Variants in OSR1 observed in about 807,000 individuals in gnomAD.
OSR1 encodes odd-skipped related transcription factor 1.
In OSR1, 3 loss-of-function variants were observed where a neutral mutation model predicts 15.7. That is an observed-to-expected ratio of 0.19 (90% CI 0.09 to 0.50). OSR1 has a LOEUF of 0.50. Ranked by LOEUF, OSR1 falls within the 20% of genes least tolerant of loss-of-function variation. The pLI, the probability that OSR1 is intolerant of heterozygous loss-of-function variation, is 0.97. For synonymous variants in OSR1, 166 were observed against 152.7 expected, an observed-to-expected ratio of 1.09 and a Z score of -0.64; for missense variants, 271 against 351.1, an observed-to-expected ratio of 0.77 and a Z score of 1.82.
the OSR1 span, among the ~76,000 whole-genome samples, chr2:19,346,304 A>C: frequency 6.6e-6 from 1 of 152,172 alleles, no homozygotes; most frequent in Non-Finnish European, 1.5e-5. Flanking sequence ...TCATATTCTA[A>C]TCTCTGGAGC....
In OSR1 at chr2:19,351,915, C is replaced by T. The variant is rs1390807212; in HGVS notation, c.*360G>A. 1 of 179,996 alleles carries T rather than the reference C, an allele frequency of 5.6e-6. No homozygotes were observed. The highest frequency in any genetic ancestry group is 2.4e-5 in the African/African-American group (1 of 42,414). 11.1% of individuals were successfully genotyped at this position (179,996 alleles called of 1,614,324 possible). On this transcript the variant is annotated 3_prime_UTR_variant, in exon 3 of 3. Transcript: ENST00000272223. ...AGTTACAAGCTTATATGGTCAAAGA[C>T]AAAAATAAAAAAGAAAACGTATAAA...
chr2:19,351,353 C>G (rs531092156), downstream of OSR1: 3 of 152,678 alleles, frequency 2.0e-5, no homozygotes, highest in South Asian at 6.2e-4. Context: ...CCACACATCT[C>G]AGCCCTGTCA....
Position 19,353,256 on chromosome 2 carries a change from A to C in OSR1, c.550T>G (p.Phe184Val). ...EFVCKFCGRHFTKSYNLLIHE... is the reference protein window; with the variant it reads ...EFVCKFCGRHVTKSYNLLIHE... ...ATAAGTAGGTTGTAGGACTTGGTGA[A>C]GTGGCGGCCACAGAACTTGCAGACG... is the stretch of plus-strand genomic sequence containing the variant. The change falls in exon 2 of 3, where the codon TTC becomes GTC. Residue 184 changes from phenylalanine to valine, a missense_variant. Physicochemically the swap from Phe to Val is conservative, Grantham distance 50 (BLOSUM62 -1). Coordinates refer to ENST00000272223, the MANE Select transcript of OSR1 (RefSeq NM_145260.3). The C allele has an allele frequency of 6.2e-7, 1 of 1,614,182 alleles. No individual in the cohort carries two copies. The highest frequency in any genetic ancestry group is 8.5e-7 in the Non-Finnish European group (1 of 1,180,038).
At chr2:19,355,898 G>C (rs1272177097) in intron 1 of OSR1, 1 of 152,360 alleles carries the variant, frequency 6.6e-6, no homozygotes, top group East Asian at 1.9e-4. Context: ...ACCCATTTGG[G>C]TTGGGGAAGG....
chr2:19,348,142 A>C (rs577911546), downstream of OSR1, among the ~76,000 whole-genome samples: 1 of 152,134 alleles, frequency 6.6e-6, no homozygotes, highest in Non-Finnish European at 1.5e-5. Context: ...ACGCCGCGGC[A>C]ACTGCTGCCC....
At position 19,353,639 on chromosome 2, in the gene OSR1, G is replaced by C. The variant is rs1388802506; in HGVS notation, c.167C>G (p.Thr56Arg). 1 of 1,614,250 alleles carries C rather than the reference G, an allele frequency of 6.2e-7. No individual in the cohort carries two copies. The highest frequency in any genetic ancestry group is 1.1e-5 in the South Asian group (1 of 91,090). ...ALHAVHLHQW[T>R]LGYPAMHLPR... Reference sequence around the variant, plus strand: ...CAAGTGCATGGCCGGGTAGCCCAGCGTCCACTGATGCAGGTGCACAGCGTG... The same window carrying C: ...CAAGTGCATGGCCGGGTAGCCCAGCCTCCACTGATGCAGGTGCACAGCGTG... Residue 56 changes from threonine to arginine, a missense_variant, in exon 2 of 3, where the codon ACG becomes AGG. Physicochemically the swap from Thr to Arg is moderately conservative, Grantham distance 71. Around this residue, in one of 4 missense-constraint regions of OSR1, gnomAD observed 210 missense variants for 218.4 expected, o/e 0.96. Transcript: ENST00000272223.
downstream of OSR1, among the ~76,000 whole-genome samples, chr2:19,350,332 G>A (rs1572258089): frequency 6.6e-6 from 1 of 152,174 alleles, no homozygotes; most frequent in African/African-American, 2.4e-5. Context: ...GGTCCGCGCC[G>A]GCAGGGCCAG....
In OSR1 at chr2:19,357,620, G is replaced by T. The variant is rs1224330921; in HGVS notation, c.-33+721C>A. 1 of 152,196 alleles carries T rather than the reference G, an allele frequency of 6.6e-6. No individual in the cohort carries two copies. Among genetic ancestry groups the T allele is most frequent in the Non-Finnish European group, 1.5e-5 (1 of 68,054 alleles). 9.4% of individuals were successfully genotyped at this position (152,196 alleles called of 1,614,324 possible). A position where few individuals can be genotyped will look rare whatever the true frequency, so the allele number is the denominator to read the frequency against. On this transcript the variant is annotated intron_variant, in intron 1 of 2. Transcript: ENST00000272223. The surrounding 1 kb of genome is among the most constrained non-coding windows in gnomAD (Gnocchi z 5.0). ...AGGGCTCCACAGAGTTTCCACTAGT[G>T]CTGTGTGTGGGTCTCGAATTGGAAA...
At chr2:19,348,239 G>C (rs1380691097), downstream of OSR1, among the ~76,000 whole-genome samples, 1 of 152,088 alleles carries the variant, frequency 6.6e-6, no homozygotes, top group Non-Finnish European at 1.5e-5. Context: ...CAGGACAGCT[G>C]CCAACGCTTC....
At chr2:19,350,670 C>T (rs1045549608), downstream of OSR1, among the ~76,000 whole-genome samples, 6 of 152,116 alleles carry the variant, frequency 3.9e-5, no homozygotes, top group African/African-American at 1.4e-4. Flanking sequence ...GGGAGCCCCG[C>T]CTTGCCCCAA....
At position 19,357,032 on chromosome 2, in the gene OSR1, C is replaced by A. The variant is rs1572261825; in HGVS notation, c.-33+1309G>T. 1 of 152,274 alleles carries A rather than the reference C, an allele frequency of 6.6e-6. No individual in the cohort carries two copies. The highest frequency in any genetic ancestry group is 1.5e-5 in the Non-Finnish European group (1 of 68,016). The allele number at this position is 152,274 out of a possible 1,614,324, so 9.4% of individuals were successfully genotyped here. A position where few individuals can be genotyped will look rare whatever the true frequency, so the allele number is the denominator to read the frequency against. On this transcript the variant is annotated intron_variant, in intron 1 of 2. Coordinates refer to ENST00000272223, the MANE Select transcript of OSR1 (RefSeq NM_145260.3). This position sits in a 1 kb window ranked among gnomAD's most constrained non-coding sequence, Gnocchi z 5.0. Reference sequence around the variant, plus strand: ...CAACGAGTGGTGACAGGCGTCCGGACCCCCGTGAAGAGGACTGACCGGCAC... The same window carrying A: ...CAACGAGTGGTGACAGGCGTCCGGAACCCCGTGAAGAGGACTGACCGGCAC...
downstream of OSR1, among the ~76,000 whole-genome samples, chr2:19,349,118 T>A (rs1027408685): frequency 2.0e-5 from 3 of 152,172 alleles, no homozygotes; most frequent in Non-Finnish European, 4.4e-5. Context: ...GGGGAAAAAT[T>A]GGGGCAGGCA....
Position 19,353,516 on chromosome 2 carries a change from T to G in OSR1, c.290A>C (p.Gln97Pro). ...PAFPWFPHVIQPKPEITAGGS... is the reference protein window; with the variant it reads ...PAFPWFPHVIPPKPEITAGGS... ...TCCAGCGGTGATCTCGGGCTTGGGT[T>G]GAATGACATGAGGGAACCAGGGAAA... Residue 97 changes from glutamine to proline, a missense_variant, in exon 2 of 3, where the codon CAA becomes CCA. This residue lies in a region of OSR1 where 210 missense variants were observed against 218.4 expected (regional missense o/e 0.96). Coordinates refer to ENST00000272223, the MANE Select transcript of OSR1 (RefSeq NM_145260.3). 1 of 1,614,190 alleles carries G rather than the reference T, an allele frequency of 6.2e-7. No homozygotes were observed. The highest frequency in any genetic ancestry group is 2.2e-5 in the East Asian group (1 of 44,864).
rs146441080 is a variant in OSR1, at chr2:19,353,398, G to A, written c.408C>T (p.Arg136=). 256 of 1,614,116 alleles carry A rather than the reference G, an allele frequency of 1.6e-4. No individual in the cohort carries two copies. The African/African-American group carries it at 2.9e-3, about 18-fold the overall frequency. Residue 136 remains arginine (R), a synonymous_variant, in exon 2 of 3, where the codon CGC becomes CGT. Transcript: ENST00000272223. ...CTGCAGGGGAGCCTGGGCCCTCCCC[G>A]CGACCGAGCTTGGCCGGATCTTCTT... ...ATQEDPAKLG[R]GEGPGSPAGG... is the part of the protein sequence containing the mutation.
rs755540358 is a variant in OSR1 at position 19,353,633 on chromosome 2, C to T, written c.173G>A (p.Gly58Asp). Residue 58 changes from glycine to aspartate, a missense_variant, in exon 2 of 3, where the codon GGC becomes GAC. Transcript: ENST00000272223. ...HAVHLHQWTLGYPAMHLPRSS... is the reference protein window; with the variant it reads ...HAVHLHQWTLDYPAMHLPRSS... ...GCGCGGCAAGTGCATGGCCGGGTAGCCCAGCGTCCACTGATGCAGGTGCAC... is the reference window on the plus strand; with the variant it reads ...GCGCGGCAAGTGCATGGCCGGGTAGTCCAGCGTCCACTGATGCAGGTGCAC... 3 of 1,614,118 alleles carry T rather than the reference C, an allele frequency of 1.9e-6. No homozygotes were observed. The highest frequency in any genetic ancestry group is 2.5e-6 in the Non-Finnish European group (3 of 1,180,050).
rs1250978441 is a variant in OSR1, at chr2:19,351,913, G to A, written c.*362C>T. 2 of 179,254 alleles carry A rather than the reference G, an allele frequency of 1.1e-5. No individual in the cohort carries two copies. The highest frequency in any genetic ancestry group is 2.4e-5 in the Non-Finnish European group (2 of 84,722). The allele number at this position is 179,254 out of a possible 1,614,324, so 11.1% of individuals were successfully genotyped here. On this transcript the variant is annotated 3_prime_UTR_variant, in exon 3 of 3. Transcript: ENST00000272223. ...AGAGTTACAAGCTTATATGGTCAAAGACAAAAATAAAAAAGAAAACGTATA... is the reference window on the plus strand; with the variant it reads ...AGAGTTACAAGCTTATATGGTCAAAAACAAAAATAAAAAAGAAAACGTATA...
At chr2:19,358,109 G>T (rs1415736119) in intron 1 of OSR1, among the ~76,000 whole-genome samples, 3 of 152,140 alleles carry the variant, frequency 2.0e-5, no homozygotes, top group Non-Finnish European at 2.9e-5. Flanking sequence ...GCGGAGGCCC[G>T]CCCCCCTTAA....
chr2:19,356,377 T>C lies in OSR1; in HGVS notation c.-33+1964A>G, dbSNP rs1301904652. ...TTCCGCGGCCCAGCCCGTTCCTTGT[T>C]TTCTGAAGCATTCGGAAGCCAGTGC... On this transcript the variant is annotated intron_variant, in intron 1 of 2. Coordinates refer to ENST00000272223, the MANE Select transcript of OSR1 (RefSeq NM_145260.3). 2.0e-5 allele frequency: 3 copies of C among 152,330 alleles called. No homozygotes were observed. In the East Asian group the frequency reaches 5.8e-4, roughly 29 times the overall value. 9.4% of individuals were successfully genotyped at this position (152,330 alleles called of 1,614,324 possible). A position where few individuals can be genotyped will look rare whatever the true frequency, so the allele number is the denominator to read the frequency against.
At chr2:19,354,447 G>C (rs968442926) in intron 1 of OSR1, 10 of 151,776 alleles carry the variant, frequency 6.6e-5, no homozygotes, top group African/African-American at 2.2e-4. Context: ...CACCCATGAA[G>C]AGCCTCACAG....
Sources: allele counts gnomAD v4.1 joint callset (sites outside exome capture counted in the v4.1 genomes callset), GRCh38; gene constraint gnomAD v4.1.1; regional missense constraint gnomAD v4.1.1; non-coding constraint Gnocchi (gnomAD v3.1); transcripts MANE v1.5; gene names NCBI Gene and HGNC (gene_info 2026-07-23, HGNC 2026-07-21).